ARHGAP31: variants seen among roughly 807,000 people sequenced by gnomAD.
The protein encoded by ARHGAP31 is Rho GTPase activating protein 31.
A neutral mutation model predicts 113.9 loss-of-function variants in ARHGAP31; 34 were observed. That is an observed-to-expected ratio of 0.30 (90% CI 0.23 to 0.40). ARHGAP31 has a LOEUF of 0.40. Ranked by LOEUF, ARHGAP31 falls within the 10% of genes least tolerant of loss-of-function variation. The pLI, the probability that ARHGAP31 is intolerant of heterozygous loss-of-function variation, is 1.00. For synonymous variants in ARHGAP31, 650 were observed against 684.8 expected, an observed-to-expected ratio of 0.95 and a Z score of 0.79; for missense variants, 1,548 against 1,767.1, an observed-to-expected ratio of 0.88 and a Z score of 2.22.
chr3:119,333,196 G>T (rs1287187351), intron 1 of ARHGAP31, among the ~76,000 whole-genome samples: 1 of 152,106 alleles, frequency 6.6e-6, no homozygotes, highest in African/African-American at 2.4e-5. Context: ...AGGCATGTTT[G>T]TTGGAAAGAA....
At chr3:119,387,487 T>C (rs1009635333) in intron 6 of ARHGAP31, among the ~76,000 whole-genome samples, 4 of 152,276 alleles carry the variant, frequency 2.6e-5, no homozygotes, top group African/African-American at 9.6e-5. Context: ...TTTATTATAC[T>C]GGAACAGCTC....
intron 1 of ARHGAP31, among the ~76,000 whole-genome samples, chr3:119,321,291 A>ATAG (rs1383661573): frequency 9.8e-4 from 144 of 147,168 alleles, no homozygotes; most frequent in African/African-American, 3.4e-3. Context: ...ATATATATAT[A>ATAG]TATAGTATAT....
intron 1 of ARHGAP31, among the ~76,000 whole-genome samples, chr3:119,344,262 A>G (rs2080035365): frequency 6.6e-6 from 1 of 152,182 alleles, no homozygotes; most frequent in African/African-American, 2.4e-5. Context: ...TTATCTGTCA[A>G]CTCTAATCAG....
chr3:119,390,814 T>C lies in ARHGAP31; in HGVS notation c.712T>C (p.Leu238=), dbSNP rs1298688367. The change falls in exon 7 of 12, where the codon TTG becomes CTG. Residue 238 remains leucine, a synonymous_variant. Transcript: ENST00000264245. ...CCGGCCCATCATGAAGAGCCTGACC[T>C]TGCCAGCCCTCTCCCTGCCCATGAA... ...ENRPIMKSLT[L]PALSLPMKLV... 6.2e-6 allele frequency: 10 copies of C among 1,612,994 alleles called. No individual in the cohort carries two copies. Among genetic ancestry groups the C allele is most frequent in the Non-Finnish European group, 7.6e-6 (9 of 1,180,020 alleles).
intron 3 of ARHGAP31, 78 bp downstream of exon 3, chr3:119,368,594 C>T: frequency 3.9e-6 from 6 of 1,532,648 alleles, no homozygotes; most frequent in Non-Finnish European, 5.4e-6. Context: ...ACTAAAATAA[C>T]AATAATAACA....
chr3:119,354,432 A>C (rs181830310), intron 1 of ARHGAP31, among the ~76,000 whole-genome samples: 1 of 152,004 alleles, frequency 6.6e-6, no homozygotes, highest in Non-Finnish European at 1.5e-5. Flanking sequence ...ATTTTCTACC[A>C]CTTAGCAGTA....
At chr3:119,375,000 A>G (rs1351263096) in intron 3 of ARHGAP31, among the ~76,000 whole-genome samples, 1 of 152,010 alleles carries the variant, frequency 6.6e-6, no homozygotes, top group Non-Finnish European at 1.5e-5. Flanking sequence ...CCCTGATCAA[A>G]CTGCTTTTTT....
chr3:119,303,277 A>T (rs2079600945), intron 1 of ARHGAP31, among the ~76,000 whole-genome samples: 1 of 152,204 alleles, frequency 6.6e-6, no homozygotes, highest in Admixed American at 6.5e-5. Flanking sequence ...CACATTGCTG[A>T]TGTGCTGGAT....
chr3:119,404,557 C>A (rs2080644250), intron 10 of ARHGAP31, among the ~76,000 whole-genome samples: 1 of 152,202 alleles, frequency 6.6e-6, no homozygotes, highest in Admixed American at 6.5e-5. Flanking sequence ...TGGAGAACTT[C>A]ACCTTCATTA....
intron 1 of ARHGAP31, among the ~76,000 whole-genome samples, chr3:119,334,917 T>C (rs929436835): frequency 1.3e-5 from 2 of 152,222 alleles, no homozygotes; most frequent in Non-Finnish European, 2.9e-5. Flanking sequence ...GCCTTTACTT[T>C]TCAATCCTCC....
At chr3:119,301,692 T>C (rs2079586511) in intron 1 of ARHGAP31, among the ~76,000 whole-genome samples, 1 of 152,146 alleles carries the variant, frequency 6.6e-6, no homozygotes. Flanking sequence ...TTCCTGGGCT[T>C]TTGTGGCTGT....
intron 1 of ARHGAP31, among the ~76,000 whole-genome samples, chr3:119,300,673 A>G (rs1015790367): frequency 1.3e-5 from 2 of 151,968 alleles, no homozygotes; most frequent in South Asian, 4.2e-4. Flanking sequence ...TACTAAAAAT[A>G]CAAAAAAAAA....
At chr3:119,349,647 T>C (rs996862621) in intron 1 of ARHGAP31, among the ~76,000 whole-genome samples, 1 of 152,172 alleles carries the variant, frequency 6.6e-6, no homozygotes, top group African/African-American at 2.4e-5. Context: ...GGCAGCTGGA[T>C]TGAAGAGATT....
intron 6 of ARHGAP31, among the ~76,000 whole-genome samples, chr3:119,386,551 G>A (rs1485948891): frequency 2.0e-5 from 3 of 152,314 alleles, no homozygotes; most frequent in East Asian, 1.9e-4. Context: ...GTAGGGACCA[G>A]CCCTACAGGG....
At chr3:119,390,270 A>G (rs1227293241) in intron 6 of ARHGAP31, among the ~76,000 whole-genome samples, 3 of 152,230 alleles carry the variant, frequency 2.0e-5, no homozygotes, top group Non-Finnish European at 4.4e-5. Context: ...TGTGGCAGGG[A>G]TATAAGCCTA....
At chr3:119,334,931 T>C (rs2079929596) in intron 1 of ARHGAP31, among the ~76,000 whole-genome samples, 1 of 152,222 alleles carries the variant, frequency 6.6e-6, no homozygotes, top group South Asian at 2.1e-4. Flanking sequence ...ATCCTCCTTT[T>C]GGGTCCTGAC....
At chr3:119,412,138 G>A (rs944303140) in intron 11 of ARHGAP31, among the ~76,000 whole-genome samples, 2 of 152,052 alleles carry the variant, frequency 1.3e-5, no homozygotes, top group Non-Finnish European at 2.9e-5. Flanking sequence ...ACACCTTTCT[G>A]AGCACTTTGG....
intron 1 of ARHGAP31, among the ~76,000 whole-genome samples, chr3:119,332,631 T>A (rs987707840): frequency 6.9e-5 from 8 of 115,302 alleles, no homozygotes; most frequent in Admixed American, 1.9e-4. Context: ...TCTCTCTCTC[T>A]CTCTCACACA....
intron 1 of ARHGAP31, among the ~76,000 whole-genome samples, chr3:119,297,369 C>G (rs2079542466): frequency 6.6e-6 from 1 of 152,242 alleles, no homozygotes; most frequent in Non-Finnish European, 1.5e-5. Context: ...CTCTGCCCAC[C>G]ACCTTGGAAG....
Sources: allele counts gnomAD v4.1 joint callset (sites outside exome capture counted in the v4.1 genomes callset), GRCh38; gene constraint gnomAD v4.1.1; transcripts MANE v1.5; gene names NCBI Gene and HGNC (gene_info 2026-07-23, HGNC 2026-07-21).